The following INO80 variants were observed in gnomAD, a reference collection of about 807,000 sequenced individuals.
INO80 encodes INO80 complex ATPase subunit.
Under a neutral mutation model 203.4 loss-of-function variants are expected in INO80, and 20 were observed. The ratio of observed to expected loss-of-function variants is 0.10; its 90% CI spans 0.07 to 0.14. The LOEUF is 0.14. Ranked by LOEUF, INO80 falls within the 10% of genes least tolerant of loss-of-function variation. The pLI is 1.00. For missense variants in INO80, 1,419 were observed against 1,914.4 expected (o/e 0.74, Z 4.83); for synonymous variants, 726 against 685.2 (o/e 1.06, Z -0.93).
At chr15:41,035,234 T>C (rs1171178399) in intron 24 of INO80, among the ~76,000 whole-genome samples, 1 of 152,132 alleles carries the variant, frequency 6.6e-6, no homozygotes, top group African/African-American at 2.4e-5. Context: ...AAATATCTGA[T>C]ATAATGGGAT....
intron 14 of INO80, among the ~76,000 whole-genome samples, chr15:41,065,267 G>T (rs141722859): frequency 0.013 from 1,902 of 151,848 alleles, 26 homozygotes; most frequent in Non-Finnish European, 0.018. Flanking sequence ...GTGAAACTCC[G>T]TCTCTACCAA....
chr15:41,035,969 A>AAAAAC (rs896014289), intron 24 of INO80, among the ~76,000 whole-genome samples: 22 of 150,852 alleles, frequency 1.5e-4, no homozygotes, highest in Admixed American at 1.3e-4. Flanking sequence ...TCTCTGCTTT[A>AAAAAC]AAAACAAAAC....
At chr15:40,989,143 C>T (rs2043783012) in intron 29 of INO80, among the ~76,000 whole-genome samples, 1 of 152,192 alleles carries the variant, frequency 6.6e-6, no homozygotes, top group South Asian at 2.1e-4. Context: ...CATGCCATTG[C>T]ACTCCAGCCT....
At chr15:41,067,428 GA>G (rs896383137) in intron 14 of INO80, among the ~76,000 whole-genome samples, 21 of 149,354 alleles carry the variant, frequency 1.4e-4, no homozygotes, top group African/African-American at 4.4e-4. Flanking sequence ...AACATCATAT[GA>G]AAAAAAAAGC....
At chr15:41,112,807 A>C (rs1000230709) in intron 1 of INO80, among the ~76,000 whole-genome samples, 7 of 151,522 alleles carry the variant, frequency 4.6e-5, no homozygotes, top group East Asian at 3.9e-4. Context: ...AAAAAAAAAA[A>C]AAAAAACTTT....
chr15:41,025,141 C>G (rs1221614146), intron 25 of INO80, among the ~76,000 whole-genome samples: 1 of 152,192 alleles, frequency 6.6e-6, no homozygotes, highest in Non-Finnish European at 1.5e-5. Flanking sequence ...CCCTGCTTGC[C>G]AACACATGTT....
intron 24 of INO80, among the ~76,000 whole-genome samples, chr15:41,031,957 GC>G (rs1566919514): frequency 2.0e-3 from 170 of 83,246 alleles, no homozygotes; most frequent in African/African-American, 5.5e-3. Context: ...GCACAGCACA[GC>G]ACAGGACAGC....
intron 28 of INO80, among the ~76,000 whole-genome samples, chr15:40,998,763 C>T (rs571601754): frequency 1.6e-4 from 25 of 152,154 alleles, no homozygotes; most frequent in Middle Eastern, 3.4e-3. Context: ...AAGCAGTTCT[C>T]CTGCCTCAGC....
intron 29 of INO80, among the ~76,000 whole-genome samples, chr15:40,990,229 C>A (rs937291815): frequency 6.6e-6 from 1 of 152,156 alleles, no homozygotes; most frequent in Admixed American, 6.5e-5. Context: ...CCACAACCTA[C>A]AGTAGTAACA....
intron 14 of INO80, among the ~76,000 whole-genome samples, chr15:41,069,320 C>A (rs2045274623): frequency 6.6e-6 from 1 of 151,782 alleles, no homozygotes; most frequent in Admixed American, 6.6e-5. Context: ...ACACATGGCA[C>A]CATGCCCGGC....
rs760716004 is a variant in INO80, at chr15:41,085,502, T to A, written c.740A>T (p.Gln247Leu). 5.0e-6 allele frequency: 8 copies of A among 1,614,082 alleles called. No homozygotes were observed. The highest frequency in any genetic ancestry group is 3.3e-5 in the Admixed American group (2 of 60,000). ...SEESPRRHHH[Q>L]TKVFAKFSHD... is the part of the protein sequence containing the mutation. ...AGAAAACTTGGCAAAGACTTTGGTC[T>A]GGTGGTGATGGCGACGAGGGGATTC... Residue 247 changes from glutamine (Q) to leucine (L), a missense_variant, in exon 7 of 36, where the codon CAG becomes CTG. Around this residue, in one of 9 missense-constraint regions of INO80, gnomAD observed 323 missense variants for 325.4 expected, o/e 0.99. Coordinates refer to ENST00000648947, the MANE Select transcript of INO80 (RefSeq NM_017553.3).
chr15:41,087,428 A>C, intron 6 of INO80, 134 bp downstream of exon 6: 3 of 955,538 alleles, frequency 3.1e-6, no homozygotes, highest in Non-Finnish European at 4.7e-6. Flanking sequence ...GCTACTAATT[A>C]GAAAGGAGAG....
intron 30 of INO80, 93 bp downstream of exon 30, chr15:40,987,723 G>A: frequency 1.7e-6 from 2 of 1,204,980 alleles, no homozygotes; most frequent in South Asian, 1.5e-5. Context: ...CCAATGAAAG[G>A]CAAGAGAGTT....
Position 41,085,396 on chromosome 15 carries a change from G to A in INO80, c.846C>T (p.Leu282=), listed in dbSNP as rs1294815324. The A allele has an allele frequency of 6.2e-7, 1 of 1,614,082 alleles. No individual in the cohort carries two copies. The highest frequency in any genetic ancestry group is 8.5e-7 in the Non-Finnish European group (1 of 1,180,022). The change falls in exon 7 of 36, where the codon CTC becomes CTT. Residue 282 remains leucine (L), a synonymous_variant. Transcript: ENST00000648947. ...QLNARRRKVW[L]SIVKKELPKA... is the part of the protein sequence containing the mutation. ...TTGGTAGTTCCTTTTTCACAATGCT[G>A]AGCCATACTTTCCTGCGACGAGCAT...
At chr15:40,992,645 G>C (rs566930866) in intron 29 of INO80, among the ~76,000 whole-genome samples, 36 of 152,248 alleles carry the variant, frequency 2.4e-4, no homozygotes, top group African/African-American at 8.2e-4. Flanking sequence ...CACACACACA[G>C]TATATCCTCG....
chr15:41,079,604 G>T, intron 9 of INO80, 97 bp downstream of exon 9: 15 of 989,808 alleles, frequency 1.5e-5, no homozygotes, highest in Non-Finnish European at 2.2e-5. Flanking sequence ...AAAATTGACA[G>T]TGTCATTGGT....
At chr15:40,988,382 C>A (rs1483791919) in intron 29 of INO80, among the ~76,000 whole-genome samples, 1 of 152,136 alleles carries the variant, frequency 6.6e-6, no homozygotes, top group Non-Finnish European at 1.5e-5. Flanking sequence ...TGTTAAGACT[C>A]ACATATTTTG....
chr15:41,045,040 TAGG>T lies in INO80; in HGVS notation c.2768_2770del (p.Ser923del). 6.2e-7 allele frequency: 1 copy of T among 1,609,986 alleles called. No individual in the cohort carries two copies. The highest frequency in any genetic ancestry group is 2.2e-5 in the East Asian group (1 of 44,850). On this transcript the variant is annotated inframe_deletion, in exon 24 of 36. Transcript: ENST00000648947. ...CCAGGAGCGTAGCTGATGGAGCCTG[TAGG>T]AGGCTTTCAGAGACAGGAAAAGAGC...
At chr15:41,042,015 ATTT>A (rs59485772) in intron 24 of INO80, among the ~76,000 whole-genome samples, 4 of 133,936 alleles carry the variant, frequency 3.0e-5, no homozygotes, top group Admixed American at 7.6e-5. Flanking sequence ...TTAATTTTTA[ATTT>A]TTTTTTTTTT....
Sources: allele counts gnomAD v4.1 joint callset (sites outside exome capture counted in the v4.1 genomes callset), GRCh38; gene constraint gnomAD v4.1.1; regional missense constraint gnomAD v4.1.1; transcripts MANE v1.5; gene names NCBI Gene and HGNC (gene_info 2026-07-23, HGNC 2026-07-21).